The following TOX3 variants were observed in gnomAD, a reference collection of about 807,000 sequenced individuals.
The protein encoded by TOX3 is CAG trinucleotide repeat-containing gene F9 protein.
TOX3 carries 22 observed loss-of-function variants against 64.3 expected under a neutral mutation model. The ratio of observed to expected loss-of-function variants is 0.34; its 90% confidence interval spans 0.24 to 0.49. TOX3 has a LOEUF of 0.49. TOX3 is among the 20% of genes least tolerant of loss of function. The probability of loss-of-function intolerance (pLI) is 0.99; values close to 1 mark genes in which losing one functional copy is unlikely to be tolerated. For synonymous variants in TOX3, 291 were observed against 273.6 expected, an observed-to-expected ratio of 1.06 and a Z score of -0.63; for missense variants, 661 against 714.4, an observed-to-expected ratio of 0.93 and a Z score of 0.85.
intron 1 of TOX3, among the ~76,000 whole-genome samples, chr16:52,523,957 C>T (rs775027061): frequency 3.3e-5 from 5 of 152,100 alleles, no homozygotes; most frequent in African/African-American, 4.8e-5. Flanking sequence ...AATAAAAGAA[C>T]TGTGAATTGA....
chr16:52,539,182 TG>T (rs1963024034), intron 1 of TOX3, among the ~76,000 whole-genome samples: 1 of 152,266 alleles, frequency 6.6e-6, no homozygotes, highest in Non-Finnish European at 1.5e-5. Context: ...TTTTAAATTA[TG>T]TTATCACAAA....
At chr16:52,488,511 G>T (rs1293832155) in intron 1 of TOX3, among the ~76,000 whole-genome samples, 3 of 152,144 alleles carry the variant, frequency 2.0e-5, no homozygotes, top group African/African-American at 7.2e-5. Context: ...TTTATCCATA[G>T]AAAAGACACA....
intron 1 of TOX3, among the ~76,000 whole-genome samples, chr16:52,522,942 G>C (rs889328549): frequency 3.3e-5 from 5 of 152,182 alleles, no homozygotes; most frequent in African/African-American, 1.2e-4. Flanking sequence ...GCACAGTCCT[G>C]GACACTGGAG....
intron 1 of TOX3, among the ~76,000 whole-genome samples, chr16:52,476,611 C>T (rs1374670480): frequency 6.6e-6 from 1 of 151,812 alleles, no homozygotes; most frequent in African/African-American, 2.4e-5. Flanking sequence ...TGGTTCTCTT[C>T]GAATACACAC....
intron 1 of TOX3, among the ~76,000 whole-genome samples, chr16:52,486,116 G>T (rs917316003): frequency 6.6e-6 from 1 of 152,162 alleles, no homozygotes; most frequent in Non-Finnish European, 1.5e-5. Context: ...AGACACATGG[G>T]TGCTGGTGTT....
chr16:52,467,254 T>C (rs1234025197), intron 2 of TOX3, among the ~76,000 whole-genome samples: 1 of 152,036 alleles, frequency 6.6e-6, no homozygotes, highest in Non-Finnish European at 1.5e-5. Flanking sequence ...GATTCAAATG[T>C]AGGGAAAAAA....
At chr16:52,500,971 C>G (rs1961985042) in intron 1 of TOX3, among the ~76,000 whole-genome samples, 1 of 152,148 alleles carries the variant, frequency 6.6e-6, no homozygotes. Context: ...AATAAGTAGT[C>G]TCCAATTATT....
At chr16:52,485,377 T>G (rs1379818633) in intron 1 of TOX3, among the ~76,000 whole-genome samples, 2 of 151,148 alleles carry the variant, frequency 1.3e-5, no homozygotes, top group African/African-American at 4.9e-5. Flanking sequence ...TAAACTTAAC[T>G]CAGAAACAGA....
chr16:52,444,334 G>T lies in TOX3; in HGVS notation c.929C>A (p.Ala310Asp). 6.3e-7 allele frequency: 1 copy of T among 1,585,324 alleles called. No individual in the cohort carries two copies. Reference sequence around the variant, plus strand: ...GGCCTTCAGGTATTCTTTTTTGGCAGCTTCTGTTTTCCTTTTATATACCTA... The same window carrying T: ...GGCCTTCAGGTATTCTTTTTTGGCATCTTCTGTTTTCCTTTTATATACCTA... The part of the protein sequence containing the change: ...QKQVYKRKTE[A>D]AKKEYLKALA... Residue 310 changes from alanine to aspartate, a missense_variant, in exon 6 of 7, where the codon GCT becomes GAT. Physicochemically the swap from Ala to Asp is moderately radical, Grantham distance 126. Coordinates refer to ENST00000219746, the MANE Select transcript of TOX3 (RefSeq NM_001080430.4).
At chr16:52,469,064 G>A (rs1402220690) in intron 1 of TOX3, among the ~76,000 whole-genome samples, 2 of 152,134 alleles carry the variant, frequency 1.3e-5, no homozygotes, top group African/African-American at 2.4e-5. Flanking sequence ...ATGGGGTGTG[G>A]CATGAATATA....
chr16:52,469,956 A>T (rs1470080179), intron 1 of TOX3, among the ~76,000 whole-genome samples: 10 of 152,208 alleles, frequency 6.6e-5, no homozygotes, highest in Non-Finnish European at 1.0e-4. Flanking sequence ...CGAAATGCAC[A>T]TACAATGAGT....
chr16:52,546,220 G>T (rs1268083423), intron 1 of TOX3, among the ~76,000 whole-genome samples: 3 of 152,112 alleles, frequency 2.0e-5, no homozygotes, highest in African/African-American at 4.8e-5. Flanking sequence ...AAGGACTGGG[G>T]GTGGGGGAGG....
chr16:52,473,931 A>G (rs1292497775), intron 1 of TOX3, among the ~76,000 whole-genome samples: 1 of 152,180 alleles, frequency 6.6e-6, no homozygotes, highest in Admixed American at 6.5e-5. Flanking sequence ...ACATACAATT[A>G]TATAGATTTA....
At position 52,537,881 on chromosome 16, in the gene TOX3, A is replaced by T. The variant is rs1267202683; in HGVS notation, c.87+8756T>A. Among the ~76,000 whole-genome samples the T allele has an allele frequency of 3.7e-4, 12 of 32,200 alleles. No homozygotes were observed. The African/African-American group carries it at 6.9e-3, about 19-fold the overall frequency. 21.1% of individuals were successfully genotyped at this position (32,200 alleles called of 152,430 possible). ...GAGTACAGCCTGGCTGATATGATAA[A>T]AAAAAAAAAAAAAAAAAAAGAAAGA... On this transcript the variant is annotated intron_variant, in intron 1 of 6. Coordinates refer to ENST00000219746, the MANE Select transcript of TOX3 (RefSeq NM_001080430.4).
chr16:52,519,467 G>T (rs1238958909), intron 1 of TOX3: 2 of 1,551,366 alleles, frequency 1.3e-6, no homozygotes, highest in South Asian at 2.4e-5. Context: ...TCCCGAGCGA[G>T]GTTGGCACTT....
At chr16:52,546,337 G>T (rs1048520885) in intron 1 of TOX3, among the ~76,000 whole-genome samples, 1 of 151,974 alleles carries the variant, frequency 6.6e-6, no homozygotes, top group African/African-American at 2.4e-5. Flanking sequence ...TCACACGCCA[G>T]CCCTTCTTTC....
In TOX3 at chr16:52,521,522, C is replaced by CTT. The variant is rs1962608575; in HGVS notation, c.87+25113_87+25114dup. The stretch of plus-strand genomic sequence containing the variant: ...TTCATTTTACATAAAGCCCATTTTA[C>CTT]TTTATGCCCCTTAAATATGTTTTGC... On this transcript the variant is annotated intron_variant, in intron 1 of 6. Transcript: ENST00000219746. Among the ~76,000 whole-genome samples the CTT allele has an allele frequency of 2.0e-5, 3 of 152,272 alleles. No homozygotes were observed. In the South Asian group the frequency reaches 6.2e-4, roughly 32 times the overall value.
intron 1 of TOX3, among the ~76,000 whole-genome samples, chr16:52,532,846 G>A (rs912602706): frequency 2.0e-5 from 3 of 152,112 alleles, no homozygotes; most frequent in Admixed American, 1.3e-4. Context: ...GAACATGGGG[G>A]CAGGGGACAC....
chr16:52,517,433 T>C (rs1040961001), intron 1 of TOX3, among the ~76,000 whole-genome samples: 1 of 152,048 alleles, frequency 6.6e-6, no homozygotes, highest in Non-Finnish European at 1.5e-5. Context: ...GGATGGTTTG[T>C]TGGGGCAAAG....
Sources: gnomAD v4.1 joint callset for allele counts (sites outside exome capture counted in the v4.1 genomes callset) on GRCh38, gnomAD v4.1.1 for gene constraint, MANE v1.5 for transcripts, NCBI Gene and HGNC (gene_info 2026-07-23, HGNC 2026-07-21) for gene names.